The following DCAF6 variants were observed in gnomAD, a reference collection of about 807,000 sequenced individuals.
DCAF6 encodes DDB1- and CUL4-associated factor 6.
A neutral mutation model predicts 125.1 loss-of-function variants in DCAF6; 54 were observed. The observed-to-expected ratio is 0.43, with a 90% CI of 0.35 to 0.54. The LOEUF (loss-of-function observed/expected upper bound fraction) is 0.54. DCAF6 is among the 20% of genes least tolerant of loss of function. The pLI, the probability that DCAF6 is intolerant of heterozygous loss-of-function variation, is 0.01. For synonymous variants in DCAF6, 371 were observed against 390.4 expected (o/e 0.95, Z 0.58); for missense variants, 934 against 1,161.7 (o/e 0.80, Z 2.85).
chr1:168,013,436 G>C (rs972606916), intron 10 of DCAF6, among the ~76,000 whole-genome samples: 2 of 152,162 alleles, frequency 1.3e-5, no homozygotes, highest in Non-Finnish European at 2.9e-5. Context: ...TTATTTGGTA[G>C]TTTGTATAAT....
At chr1:167,950,421 G>A (rs1673745727) in intron 1 of DCAF6, among the ~76,000 whole-genome samples, 1 of 152,058 alleles carries the variant, frequency 6.6e-6, no homozygotes, top group Non-Finnish European at 1.5e-5. Flanking sequence ...ATTTCTCTAG[G>A]TTGTTTTATT....
At chr1:167,894,043 T>C in the DCAF6 span, 30 of 786,836 alleles carry the variant, frequency 3.8e-5, no homozygotes, top group Non-Finnish European at 4.4e-6. Context: ...GCAGTGGGCC[T>C]TCTTGTCCTT....
Position 167,936,740 on chromosome 1 carries a change from C to T in DCAF6, c.-172C>T. ...GAGGCGAGCTCCGGCCCGGGTGCGG[C>T]CGGGCTTCAGGGGCCCAGGCGCCGC... On this transcript the variant is annotated 5_prime_UTR_variant, in exon 1 of 22. Transcript: ENST00000367840. 1 of 604,566 alleles carries T rather than the reference C, an allele frequency of 1.7e-6. No individual in the cohort carries two copies. The highest frequency in any genetic ancestry group is 2.9e-6 in the Non-Finnish European group (1 of 339,700). 37.5% of individuals were successfully genotyped at this position (604,566 alleles called of 1,614,324 possible).
chr1:168,020,139 C>T (rs557315047), intron 11 of DCAF6, among the ~76,000 whole-genome samples: 2 of 152,258 alleles, frequency 1.3e-5, no homozygotes, highest in South Asian at 2.1e-4. Flanking sequence ...CATTAAATGA[C>T]CCATTCCTAT....
chr1:167,969,157 T>C (rs1676919397), intron 3 of DCAF6: 1 of 152,138 alleles, frequency 6.6e-6, no homozygotes, highest in East Asian at 1.9e-4. Flanking sequence ...TAATATTTTA[T>C]ATTTGTTTCT....
chr1:167,965,961 T>C (rs1676353376), intron 2 of DCAF6, among the ~76,000 whole-genome samples: 1 of 152,160 alleles, frequency 6.6e-6, no homozygotes, highest in Non-Finnish European at 1.5e-5. Context: ...ACATTCAGAC[T>C]TAACGCTTTC....
chr1:168,033,538 C>A (rs548546778), intron 12 of DCAF6, among the ~76,000 whole-genome samples: 1 of 151,856 alleles, frequency 6.6e-6, no homozygotes, highest in African/African-American at 2.4e-5. Flanking sequence ...AGGATGGTCT[C>A]GATCTTCTGA....
intron 15 of DCAF6, 112 bp from the exon 16 acceptor site, chr1:168,044,788 T>C (rs963499445): frequency 2.1e-6 from 3 of 1,416,000 alleles, no homozygotes; most frequent in African/African-American, 1.4e-5. Flanking sequence ...TTCCTCCCCT[T>C]ATAGAGGAAT....
the DCAF6 span, among the ~76,000 whole-genome samples, chr1:167,869,062 A>AGTAGTTAAAGAC: frequency 1.1e-4 from 17 of 152,388 alleles, no homozygotes; most frequent in Admixed American, 9.1e-4. Context: ...ATCAAAGGCA[A>AGTAGTTAAAGAC]GTAGTTAAAG....
chr1:168,052,073 G>T (rs1047668434), intron 17 of DCAF6, among the ~76,000 whole-genome samples: 1 of 151,910 alleles, frequency 6.6e-6, no homozygotes, highest in Non-Finnish European at 1.5e-5. Flanking sequence ...GTAGAGACAG[G>T]GTTGGTCACC....
chr1:168,037,955 C>G (rs1395491357), intron 12 of DCAF6, among the ~76,000 whole-genome samples: 1 of 152,062 alleles, frequency 6.6e-6, no homozygotes, highest in Non-Finnish European at 1.5e-5. Context: ...TTCACAGAGC[C>G]CTTGTATCTT....
At chr1:167,955,041 C>CT (rs1464523249) in intron 2 of DCAF6, among the ~76,000 whole-genome samples, 1 of 152,050 alleles carries the variant, frequency 6.6e-6, no homozygotes, top group South Asian at 2.1e-4. Context: ...TTTCATTTGG[C>CT]TTTTTTTACT....
chr1:167,985,139 G>A (rs1357983704), intron 4 of DCAF6, among the ~76,000 whole-genome samples: 1 of 151,984 alleles, frequency 6.6e-6, no homozygotes, highest in Non-Finnish European at 1.5e-5. Context: ...CACAACACGT[G>A]GCAATTCAAG....
At chr1:167,943,975 A>G (rs1455605187) in intron 1 of DCAF6, among the ~76,000 whole-genome samples, 1 of 148,532 alleles carries the variant, frequency 6.7e-6, no homozygotes, top group Non-Finnish European at 1.5e-5. Flanking sequence ...AGTAGTTGGG[A>G]CTACAGGTGC....
At chr1:167,944,000 G>A (rs1248946451) in intron 1 of DCAF6, among the ~76,000 whole-genome samples, 1 of 14,062 alleles carries the variant, frequency 7.1e-5, no homozygotes, top group Non-Finnish European at 1.3e-4. Flanking sequence ...CACCACACCT[G>A]ACTAACTTTT....
the DCAF6 span, among the ~76,000 whole-genome samples, chr1:167,911,200 G>T: frequency 1.2e-4 from 19 of 152,332 alleles, no homozygotes; most frequent in South Asian, 3.9e-3. Flanking sequence ...CTACCTGTGA[G>T]GGTAGAGGTA....
rs1253844087 is a variant in DCAF6, at chr1:167,991,293, C to T, written c.642C>T (p.Ser214=). 1.9e-6 allele frequency: 3 copies of T among 1,613,528 alleles called. No homozygotes were observed. The highest frequency in any genetic ancestry group is 2.2e-5 in the East Asian group (1 of 44,820). The stretch of plus-strand genomic sequence containing the variant: ...ACCTTGCTGTTGGTTGTTCTGACAG[C>T]TCAGTACGAATATATGATCGGCGAA... ...PYYLAVGCSD[S]SVRIYDRRML... is the part of the protein sequence containing the mutation. Residue 214 remains serine, a synonymous_variant, in exon 6 of 22, where the codon AGC becomes AGT. Transcript: ENST00000367840.
intron 1 of DCAF6, among the ~76,000 whole-genome samples, chr1:167,941,327 T>C (rs554046456): frequency 6.6e-6 from 1 of 152,310 alleles, no homozygotes; most frequent in South Asian, 2.1e-4. Context: ...CTATGATAGC[T>C]CTACTGTGGG....
chr1:168,034,849 G>A (rs1325933288), intron 12 of DCAF6, among the ~76,000 whole-genome samples: 1 of 152,110 alleles, frequency 6.6e-6, no homozygotes, highest in Non-Finnish European at 1.5e-5. Flanking sequence ...GAATGTGTTT[G>A]CTGATCCAAC....
Sources: allele counts gnomAD v4.1 joint callset (sites outside exome capture counted in the v4.1 genomes callset), GRCh38; gene constraint gnomAD v4.1.1; transcripts MANE v1.5; gene names NCBI Gene and HGNC (gene_info 2026-07-23, HGNC 2026-07-21).